The following GNG2 variants were observed in gnomAD, a reference collection of about 807,000 sequenced individuals.
The protein encoded by GNG2 is G protein subunit gamma 2.
A neutral mutation model predicts 5.5 loss-of-function variants in GNG2; 5 were observed. The ratio of observed to expected loss-of-function variants is 0.91; its 90% CI spans 0.48 to 1.92. The LOEUF is 1.92. Ranked by LOEUF, GNG2 falls within the 30% of genes most tolerant of loss-of-function variation. The pLI, the probability that GNG2 is intolerant of heterozygous loss-of-function variation, is 0.01. For synonymous variants in GNG2, 28 were observed against 32.0 expected, an observed-to-expected ratio of 0.88 and a Z score of 0.42; for missense variants, 55 against 88.4, an observed-to-expected ratio of 0.62 and a Z score of 1.52.
At chr14:51,920,617 T>G (rs1447298226) in intron 2 of GNG2, among the ~76,000 whole-genome samples, 3 of 152,182 alleles carry the variant, frequency 2.0e-5, no homozygotes, top group African/African-American at 7.2e-5. Flanking sequence ...TTGGAAAGAC[T>G]GACTTTGGAG....
chr14:51,834,748 G>A (rs1019652065), intron 2 of GNG2, among the ~76,000 whole-genome samples: 2 of 152,188 alleles, frequency 1.3e-5, no homozygotes, highest in Admixed American at 6.5e-5. Context: ...GCGCTATAAT[G>A]CATGCAAAGT....
chr14:51,955,098 T>C (rs1396759781), intron 3 of GNG2, among the ~76,000 whole-genome samples: 4 of 152,210 alleles, frequency 2.6e-5, no homozygotes, highest in Admixed American at 6.5e-5. Context: ...AGATATAAGA[T>C]GCAAGGCAAG....
At chr14:51,880,977 A>AG (rs35846208) in intron 2 of GNG2, among the ~76,000 whole-genome samples, 3 of 150,400 alleles carry the variant, frequency 2.0e-5, no homozygotes, top group African/African-American at 7.3e-5. Context: ...GAAAAAAAAA[A>AG]AAAAAAAAAA....
intron 2 of GNG2, among the ~76,000 whole-genome samples, chr14:51,897,037 A>T (rs150878658): frequency 9.4e-4 from 143 of 152,370 alleles, no homozygotes; most frequent in African/African-American, 3.3e-3. Flanking sequence ...GAATAATGCT[A>T]CTATGCAGTA....
At chr14:51,925,970 AGAAAAAGGC>A (rs1887288956) in intron 2 of GNG2, among the ~76,000 whole-genome samples, 6 of 152,050 alleles carry the variant, frequency 3.9e-5, no homozygotes, top group African/African-American at 1.4e-4. Flanking sequence ...AGGGCCAAAG[AGAAAAAGGC>A]TCCAAGGAAG....
intron 2 of GNG2, chr14:51,841,694 A>ATTTC: frequency 1.7e-6 from 1 of 603,166 alleles, no homozygotes; most frequent in Non-Finnish European, 3.0e-6. Context: ...GATGAGAAAA[A>ATTTC]TCACTTTGTA....
chr14:51,863,617 C>T (rs781565485), intron 1 of GNG2, among the ~76,000 whole-genome samples: 5 of 152,094 alleles, frequency 3.3e-5, no homozygotes, highest in African/African-American at 4.8e-5. Context: ...TCATCACCAC[C>T]GTCCATCCAT....
chr14:51,830,549 A>C (rs1052229639), intron 2 of GNG2, among the ~76,000 whole-genome samples: 1 of 152,214 alleles, frequency 6.6e-6, no homozygotes, highest in Non-Finnish European at 1.5e-5. Context: ...AGCAAATAAA[A>C]ATGCTCTATA....
chr14:51,833,475 C>T (rs1412604067), intron 2 of GNG2, among the ~76,000 whole-genome samples: 1 of 152,178 alleles, frequency 6.6e-6, no homozygotes, highest in Non-Finnish European at 1.5e-5. Context: ...TCCTTAGAAC[C>T]TGGAGTAGGG....
rs1881757071 is a variant in GNG2, at chr14:51,848,692, G to T, written c.64+20885G>T. Among the ~76,000 whole-genome samples the T allele has an allele frequency of 2.0e-5, 3 of 152,210 alleles. No homozygotes were observed. The South Asian group carries it at 6.2e-4, about 32-fold the overall frequency. On this transcript the variant is annotated intron_variant, in intron 2 of 3. Coordinates refer to the GNG2 transcript ENST00000553432. The stretch of plus-strand genomic sequence containing the variant: ...GAGAATGAAGGGAGTATTTACAGAG[G>T]TATGTGTGGGGATCAGGAAACCAAC...
chr14:51,959,220 C>T (rs959531697), intron 3 of GNG2, among the ~76,000 whole-genome samples: 7 of 152,036 alleles, frequency 4.6e-5, no homozygotes, highest in Admixed American at 1.3e-4. Flanking sequence ...ATCTCTAGGA[C>T]CTTGATTACC....
intron 3 of GNG2, among the ~76,000 whole-genome samples, chr14:51,958,952 C>G (rs189183482): frequency 1.3e-5 from 2 of 152,292 alleles, no homozygotes; most frequent in African/African-American, 4.8e-5. Context: ...TGACTCCAGA[C>G]GGCTAAATTT....
At chr14:51,946,083 A>G (rs1888627292) in intron 2 of GNG2, among the ~76,000 whole-genome samples, 1 of 152,236 alleles carries the variant, frequency 6.6e-6, no homozygotes, top group African/African-American at 2.4e-5. Flanking sequence ...TACTTGTTCT[A>G]GAACAGCATG....
intron 2 of GNG2, among the ~76,000 whole-genome samples, chr14:51,879,132 G>T (rs565852785): frequency 5.8e-4 from 88 of 152,308 alleles, no homozygotes; most frequent in African/African-American, 1.8e-3. Flanking sequence ...ATTTAAAGAG[G>T]TTATTTGGCA....
chr14:51,937,963 T>C (rs768817619), intron 2 of GNG2, among the ~76,000 whole-genome samples: 3 of 152,142 alleles, frequency 2.0e-5, no homozygotes, highest in Non-Finnish European at 4.4e-5. Context: ...CAGGAAGCCT[T>C]AACGAACAAC....
In GNG2 at chr14:51,935,047, C is replaced by T. The variant is rs748794436; in HGVS notation, c.-29-15603C>T. On this transcript the variant is annotated intron_variant, in intron 2 of 3. Transcript: ENST00000556766. ...TTTCTTTTTTTTTTTTTTTTGGAGA[C>T]GGAGTCTCGCTCTGTTGCCCAGGCC... Among the ~76,000 whole-genome samples the T allele has an allele frequency of 3.2e-3, 378 of 119,078 alleles. 1 individual carries two copies. The highest frequency in any genetic ancestry group is 4.8e-3 in the Non-Finnish European group (291 of 61,260). 78.1% of individuals were successfully genotyped at this position (119,078 alleles called of 152,430 possible). A position where few individuals can be genotyped will look rare whatever the true frequency, so the allele number is the denominator to read the frequency against.
chr14:51,937,248 T>C (rs1210440428), intron 2 of GNG2, among the ~76,000 whole-genome samples: 1 of 152,226 alleles, frequency 6.6e-6, no homozygotes, highest in South Asian at 2.1e-4. Context: ...AGATGTATAA[T>C]AGCCTTAAAA....
chr14:51,909,172 T>A (rs1886141268), intron 2 of GNG2, among the ~76,000 whole-genome samples: 1 of 152,230 alleles, frequency 6.6e-6, no homozygotes, highest in Non-Finnish European at 1.5e-5. Context: ...ATTGAGTGAC[T>A]CTGGCAAATA....
chr14:51,888,816 A>G (rs1884637462), intron 2 of GNG2, among the ~76,000 whole-genome samples: 1 of 152,154 alleles, frequency 6.6e-6, no homozygotes, highest in South Asian at 2.1e-4. Context: ...TTTGTTTCTT[A>G]TCATAAACAA....
Sources: allele counts gnomAD v4.1 joint callset (sites outside exome capture counted in the v4.1 genomes callset), GRCh38; gene constraint gnomAD v4.1.1; transcripts MANE v1.5; gene names NCBI Gene and HGNC (gene_info 2026-07-23, HGNC 2026-07-21).